The following RYR2 variants were observed in gnomAD, a reference collection of about 807,000 sequenced individuals.
RYR2 encodes the protein cardiac muscle ryanodine receptor-calcium release channel.
A neutral mutation model predicts 601.1 loss-of-function variants in RYR2; 227 were observed. The ratio of observed to expected loss-of-function variants is 0.38; its 90% CI spans 0.34 to 0.42. The LOEUF (loss-of-function observed/expected upper bound fraction) is 0.42. Among genes scored for constraint, RYR2 ranks in the 10% least tolerant of loss-of-function variants. RYR2 has a pLI of 1.00. For missense variants in RYR2, 4,646 were observed against 6,156.5 expected (o/e 0.75, Z 8.21); for synonymous variants, 2,223 against 2,175.1 (o/e 1.02, Z -0.61).
intron 1 of RYR2, among the ~76,000 whole-genome samples, chr1:237,249,847 T>C (rs1687272124): frequency 6.6e-6 from 1 of 152,166 alleles, no homozygotes; most frequent in African/African-American, 2.4e-5. Context: ...ATTCCAGGGA[T>C]GATGATACAC....
chr1:237,544,198 A>G (rs1219376170), intron 25 of RYR2, among the ~76,000 whole-genome samples: 3 of 152,162 alleles, frequency 2.0e-5, no homozygotes, highest in Non-Finnish European at 4.4e-5. Context: ...ATATTAAATC[A>G]TTTGTTTAAT....
intron 56 of RYR2, among the ~76,000 whole-genome samples, chr1:237,665,340 A>G (rs1246709026): frequency 6.7e-6 from 1 of 149,744 alleles, no homozygotes; most frequent in Non-Finnish European, 1.5e-5. Flanking sequence ...CAGAGGTTGC[A>G]GCGAGTCAAG....
At chr1:237,387,472 A>G in intron 9 of RYR2, 92 bp downstream of exon 9, 1 of 1,143,944 alleles carries the variant, frequency 8.7e-7, no homozygotes. Context: ...TGTTAATTAG[A>G]GCTTTTTGTC....
intron 92 of RYR2, among the ~76,000 whole-genome samples, chr1:237,789,742 C>T (rs1181026266): frequency 6.6e-6 from 1 of 152,234 alleles, no homozygotes; most frequent in African/African-American, 2.4e-5. Context: ...CTGCACAGCT[C>T]CTCCCTTTTC....
chr1:237,701,928 T>C lies in RYR2; in HGVS notation c.9368-50T>C, dbSNP rs757152126. On this transcript the variant is annotated intron_variant, in intron 65 of 104. Coordinates refer to ENST00000366574, the MANE Select transcript of RYR2 (RefSeq NM_001035.3). ...CATAGCTTAAGCTTTCTCAGGACAA[T>C]GTATAAATAAGTGGGTTTTTCTTTC... 2.0e-5 allele frequency: 20 copies of C among 996,176 alleles called. No homozygotes were observed. In the Admixed American group the frequency reaches 3.6e-4, roughly 18 times the overall value. The allele number at this position is 996,176 out of a possible 1,614,324, so 61.7% of individuals were successfully genotyped here. A position where few individuals can be genotyped will look rare whatever the true frequency, so the allele number is the denominator to read the frequency against.
intron 71 of RYR2, among the ~76,000 whole-genome samples, chr1:237,714,806 T>C (rs1348091749): frequency 2.0e-5 from 3 of 151,416 alleles, no homozygotes; most frequent in Non-Finnish European, 2.9e-5. Context: ...CTGGCCAAGA[T>C]GGTGAAACCC....
chr1:237,086,665 C>T (rs1428330092), intron 1 of RYR2, among the ~76,000 whole-genome samples: 3 of 152,108 alleles, frequency 2.0e-5, no homozygotes, highest in Non-Finnish European at 4.4e-5. Context: ...ATTTTTATTT[C>T]CCACAATATC....
In RYR2 at chr1:237,369,520, T is replaced by G; in HGVS notation, c.310-14T>G. The G allele has an allele frequency of 6.4e-7, 1 of 1,554,884 alleles. No homozygotes were observed. ...TTTTCTCTCTTGTTCTCCTTTTTTC[T>G]CTTCTCTCTAAAGACTGCTCAAGGT... On this transcript the variant is annotated splice_polypyrimidine_tract_variant and intron_variant, in intron 5 of 104. Coordinates refer to ENST00000366574, the MANE Select transcript of RYR2 (RefSeq NM_001035.3).
rs577588066 is a variant in RYR2, at chr1:237,833,551, G to T, written c.*904G>T. 1.3e-5 allele frequency: 2 copies of T among 152,566 alleles called. No homozygotes were observed. The highest frequency in any genetic ancestry group is 4.8e-5 in the African/African-American group (2 of 41,492). The allele number at this position is 152,566 out of a possible 1,614,324, so 9.5% of individuals were successfully genotyped here. On this transcript the variant is annotated 3_prime_UTR_variant, in exon 105 of 105. Coordinates refer to ENST00000366574, the MANE Select transcript of RYR2 (RefSeq NM_001035.3). ...AACCTTCAGAAACAAGTTGATCAACGTGAGAGAAATTTCATGATAATTATT... is the reference window on the plus strand; with the variant it reads ...AACCTTCAGAAACAAGTTGATCAACTTGAGAGAAATTTCATGATAATTATT...
intron 4 of RYR2, among the ~76,000 whole-genome samples, chr1:237,358,439 G>A (rs547770590): frequency 1.3e-5 from 2 of 151,930 alleles, no homozygotes; most frequent in South Asian, 2.1e-4. Flanking sequence ...GGCAGGAAAG[G>A]TCTGCTTTGA....
chr1:237,341,123 T>A (rs1185056115), intron 3 of RYR2, among the ~76,000 whole-genome samples: 2 of 152,208 alleles, frequency 1.3e-5, no homozygotes, highest in Admixed American at 1.3e-4. Flanking sequence ...CTGTTTTAGA[T>A]TATGAATCTT....
At position 237,247,286 on chromosome 1, in the gene RYR2, C is replaced by T. The variant is rs566726911; in HGVS notation, c.49-23211C>T. Reference sequence around the variant, plus strand: ...GCAAAAATAATTGTTTCTTTAAAAACTGCCTTTTCGCTACAGCTACACTTT... The same window carrying T: ...GCAAAAATAATTGTTTCTTTAAAAATTGCCTTTTCGCTACAGCTACACTTT... On this transcript the variant is annotated intron_variant, in intron 1 of 104. Coordinates refer to ENST00000366574, the MANE Select transcript of RYR2 (RefSeq NM_001035.3). Among the ~76,000 whole-genome samples, 22 of 152,282 alleles carry T rather than the reference C, an allele frequency of 1.4e-4. No homozygotes were observed. In the South Asian group the frequency reaches 4.4e-3, roughly 30 times the overall value.
At chr1:237,466,780 G>T (rs1364411121) in intron 16 of RYR2, among the ~76,000 whole-genome samples, 1 of 151,512 alleles carries the variant, frequency 6.6e-6, no homozygotes, top group African/African-American at 2.4e-5. Context: ...ATTTACCATT[G>T]GTTGTGTTAG....
intron 2 of RYR2, among the ~76,000 whole-genome samples, chr1:237,289,622 T>C (rs904348281): frequency 2.7e-5 from 4 of 150,118 alleles, no homozygotes; most frequent in Non-Finnish European, 3.0e-5. Context: ...CATGATTCAA[T>C]TACCTCCCAC....
intron 82 of RYR2, among the ~76,000 whole-genome samples, chr1:237,758,163 A>G (rs568164733): frequency 3.3e-5 from 5 of 152,152 alleles, no homozygotes; most frequent in Non-Finnish European, 5.9e-5. Flanking sequence ...AAAAAATAAA[A>G]CACTTAATCT....
At chr1:237,045,803 CA>C (rs1660504248) in intron 1 of RYR2, among the ~76,000 whole-genome samples, 1 of 134,928 alleles carries the variant, frequency 7.4e-6, no homozygotes. Context: ...AACAATCATA[CA>C]GAATGTTATA....
chr1:237,288,658 T>C (rs1016580049), intron 2 of RYR2, among the ~76,000 whole-genome samples: 16 of 152,068 alleles, frequency 1.1e-4, no homozygotes, highest in South Asian at 2.1e-4. Flanking sequence ...GTACTCCCAC[T>C]GTGCCCCCCA....
chr1:237,347,649 C>T (rs183092170), intron 3 of RYR2, among the ~76,000 whole-genome samples: 72 of 151,912 alleles, frequency 4.7e-4, no homozygotes, highest in African/African-American at 1.5e-3. Context: ...GATCAGACCT[C>T]GTTTAAAAAT....
At chr1:237,564,916 T>C (rs1671814779) in intron 27 of RYR2, among the ~76,000 whole-genome samples, 1 of 152,232 alleles carries the variant, frequency 6.6e-6, no homozygotes, top group African/African-American at 2.4e-5. Flanking sequence ...CATCTCATTT[T>C]AAATTGTTAC....
Sources: allele counts gnomAD v4.1 joint callset (sites outside exome capture counted in the v4.1 genomes callset), GRCh38; gene constraint gnomAD v4.1.1; transcripts MANE v1.5; gene names NCBI Gene and HGNC (gene_info 2026-07-23, HGNC 2026-07-21).